Variants in BCKDHB observed in about 807,000 individuals in gnomAD.
BCKDHB encodes the protein 2-oxoisovalerate dehydrogenase subunit beta, mitochondrial.
A neutral mutation model predicts 48.5 loss-of-function variants in BCKDHB; 41 were observed. The ratio of observed to expected loss-of-function variants is 0.85; its 90% CI spans 0.66 to 1.10. The LOEUF is 1.10. Among genes scored for constraint, BCKDHB ranks in the 50% least tolerant of loss-of-function variants. BCKDHB has a pLI of 0.00. For missense variants in BCKDHB, 496 were observed against 494.2 expected (o/e 1.00, Z -0.03); for synonymous variants, 201 against 174.8 (o/e 1.15, Z -1.18).
intron 8 of BCKDHB, among the ~76,000 whole-genome samples, chr6:80,257,171 C>T (rs925950686): frequency 3.9e-5 from 6 of 152,040 alleles, no homozygotes; most frequent in Non-Finnish European, 7.4e-5. Flanking sequence ...CCCTGAAGCA[C>T]AGCAGTGAAA....
chr6:80,437,373 G>A, the BCKDHB span, among the ~76,000 whole-genome samples: 4 of 151,108 alleles, frequency 2.6e-5, no homozygotes, highest in Non-Finnish European at 4.4e-5. Context: ...ACATGTATCC[G>A]CTGCCTTTTT....
the BCKDHB span, among the ~76,000 whole-genome samples, chr6:80,444,782 C>T: frequency 7.8e-4 from 118 of 152,210 alleles, 1 homozygote; most frequent in Non-Finnish European, 1.3e-3. Context: ...TAAATAATAT[C>T]GTCAAATTTT....
chr6:80,299,201 T>A (rs1767422198), intron 9 of BCKDHB, among the ~76,000 whole-genome samples: 1 of 151,996 alleles, frequency 6.6e-6, no homozygotes, highest in African/African-American at 2.4e-5. Flanking sequence ...TAGGAGAGAC[T>A]CTTAATTCCC....
At position 80,106,907 on chromosome 6, in the gene BCKDHB, C is replaced by T; in HGVS notation, c.196+18C>T. The T allele has an allele frequency of 1.3e-6, 2 of 1,591,344 alleles. No individual in the cohort carries two copies. Among genetic ancestry groups the T allele is most frequent in the African/African-American group, 1.3e-5 (1 of 74,512 alleles). Reference sequence around the variant, plus strand: ...GGAGTACGGTGAGCCCTGGGACTGCCCACTCGGTCCCGCTGCAGCCCGGAC... The same window carrying T: ...GGAGTACGGTGAGCCCTGGGACTGCTCACTCGGTCCCGCTGCAGCCCGGAC... On this transcript the variant is annotated intron_variant, in intron 1 of 9. Coordinates refer to ENST00000320393, the MANE Select transcript of BCKDHB (RefSeq NM_183050.4).
At chr6:80,203,266 T>C in intron 8 of BCKDHB, 54 bp downstream of exon 8, 6 of 1,212,970 alleles carry the variant, frequency 4.9e-6, no homozygotes, top group Non-Finnish European at 7.4e-6. Context: ...TGGCCAAATA[T>C]GTTGTATATT....
chr6:80,152,391 G>T (rs1771828392), intron 3 of BCKDHB, among the ~76,000 whole-genome samples: 1 of 151,940 alleles, frequency 6.6e-6, no homozygotes, highest in Non-Finnish European at 1.5e-5. Flanking sequence ...CTTTTTTAAG[G>T]ACATAGTAAA....
At chr6:80,338,431 C>A (rs1412641721) in intron 9 of BCKDHB, among the ~76,000 whole-genome samples, 1 of 152,166 alleles carries the variant, frequency 6.6e-6, no homozygotes, top group Non-Finnish European at 1.5e-5. Flanking sequence ...GCGTCCTGCA[C>A]CCCACCAGGG....
intron 6 of BCKDHB, among the ~76,000 whole-genome samples, chr6:80,184,459 G>A (rs1773550272): frequency 6.6e-6 from 1 of 151,992 alleles, no homozygotes; most frequent in South Asian, 2.1e-4. Context: ...TGAGATGTGA[G>A]GTACTGTTTT....
chr6:80,182,820 A>G (rs1451232003), intron 6 of BCKDHB, among the ~76,000 whole-genome samples: 2 of 152,216 alleles, frequency 1.3e-5, no homozygotes, highest in Non-Finnish European at 2.9e-5. Flanking sequence ...ACACACACAA[A>G]TAATACAAAT....
intron 9 of BCKDHB, among the ~76,000 whole-genome samples, chr6:80,298,362 G>A (rs1290806874): frequency 6.6e-6 from 1 of 152,138 alleles, no homozygotes; most frequent in Non-Finnish European, 1.5e-5. Flanking sequence ...ACTTGCCTCG[G>A]CCTCCCAAAA....
the BCKDHB span, among the ~76,000 whole-genome samples, chr6:80,396,328 C>T: frequency 6.6e-6 from 1 of 152,174 alleles, no homozygotes. Flanking sequence ...ATGTATTTAC[C>T]CAATACCTCT....
chr6:80,305,455 T>C (rs1462669393), intron 9 of BCKDHB, among the ~76,000 whole-genome samples: 1 of 152,156 alleles, frequency 6.6e-6, no homozygotes, highest in Non-Finnish European at 1.5e-5. Flanking sequence ...AAATGTTTTT[T>C]AAAAGACTGT....
intron 8 of BCKDHB, among the ~76,000 whole-genome samples, chr6:80,261,080 C>T (rs1207795114): frequency 6.6e-6 from 1 of 152,102 alleles, no homozygotes; most frequent in Admixed American, 6.6e-5. Context: ...TTAGTTATTC[C>T]CATTACTTCT....
In BCKDHB at chr6:80,219,767, T is replaced by G. The variant is rs57379135; in HGVS notation, c.951+16555T>G. 5.3e-3 allele frequency among the ~76,000 whole-genome samples: 801 copies of G among 152,344 alleles called. 9 individuals are homozygous for G. Among genetic ancestry groups the G allele is most frequent in the African/African-American group, 0.018 (769 of 41,580 alleles). On this transcript the variant is annotated intron_variant, in intron 8 of 9. Coordinates refer to ENST00000320393, the MANE Select transcript of BCKDHB (RefSeq NM_183050.4). ...AATGTTTTTATTTGGACTCAACATT[T>G]GCTTGATATTTGGCTGCGTATAGTA...
intron 6 of BCKDHB, among the ~76,000 whole-genome samples, chr6:80,192,943 C>T (rs946611114): frequency 8.6e-5 from 13 of 151,790 alleles, no homozygotes; most frequent in African/African-American, 2.7e-4. Flanking sequence ...CTCAGTCTCC[C>T]GAGTAGCTGG....
chr6:80,208,503 T>C (rs1172155959), intron 8 of BCKDHB, among the ~76,000 whole-genome samples: 1 of 151,766 alleles, frequency 6.6e-6, no homozygotes, highest in East Asian at 1.9e-4. Flanking sequence ...TGTAGAGAAA[T>C]TTAATAAAGT....
chr6:80,204,979 A>G (rs1057398557), intron 8 of BCKDHB, among the ~76,000 whole-genome samples: 1 of 151,844 alleles, frequency 6.6e-6, no homozygotes. Context: ...GATGCATCAG[A>G]CCTCTGACTT....
intron 6 of BCKDHB, among the ~76,000 whole-genome samples, chr6:80,196,174 A>T (rs1774120116): frequency 6.6e-6 from 1 of 152,178 alleles, no homozygotes; most frequent in Non-Finnish European, 1.5e-5. Flanking sequence ...AATCAGAAGG[A>T]TTGGAAAGTG....
chr6:80,251,927 C>G (rs1312322176), intron 8 of BCKDHB: 1 of 152,142 alleles, frequency 6.6e-6, no homozygotes, highest in Non-Finnish European at 1.5e-5. Flanking sequence ...CATTTAAAAA[C>G]TAATATAAAC....
Sources: gnomAD v4.1 joint callset for allele counts (sites outside exome capture counted in the v4.1 genomes callset) on GRCh38, gnomAD v4.1.1 for gene constraint, MANE v1.5 for transcripts, NCBI Gene and HGNC (gene_info 2026-07-23, HGNC 2026-07-21) for gene names.